Variants in OGDH observed in about 807,000 individuals in gnomAD.
The protein encoded by OGDH is oxoglutarate dehydrogenase.
A neutral mutation model predicts 116.6 loss-of-function variants in OGDH; 38 were observed. That is an observed-to-expected ratio of 0.33 (90% CI 0.25 to 0.43). The LOEUF (loss-of-function observed/expected upper bound fraction) is 0.43, where lower values mean the gene tolerates loss of function less well. Ranked by LOEUF, OGDH falls within the 20% of genes least tolerant of loss-of-function variation. The pLI is 1.00. For missense variants in OGDH, 825 were observed against 1,357.2 expected (o/e 0.61, Z 6.16); for synonymous variants, 488 against 533.3 (o/e 0.92, Z 1.17).
In OGDH at chr7:44,696,802, C is replaced by T. The variant is rs1169029180; in HGVS notation, c.1901-112C>T. ...CACAGCTTTTCCAGCAAGTCAGGAA[C>T]CCAGAAACTACGAGTAAAGAAGGCT... is the stretch of plus-strand genomic sequence containing the variant. On this transcript the variant is annotated intron_variant, in intron 14 of 22. Transcript: ENST00000222673. 6 of 1,370,668 alleles carry T rather than the reference C, an allele frequency of 4.4e-6. No individual in the cohort carries two copies. The South Asian group carries it at 7.4e-5, about 17-fold the overall frequency. 84.9% of individuals were successfully genotyped at this position (1,370,668 alleles called of 1,614,324 possible). A position where few individuals can be genotyped will look rare whatever the true frequency, so the allele number is the denominator to read the frequency against.
intron 19 of OGDH, among the ~76,000 whole-genome samples, chr7:44,700,979 G>A (rs565390209): frequency 4.6e-5 from 7 of 152,258 alleles, no homozygotes; most frequent in South Asian, 2.1e-4. Flanking sequence ...AGCCGAGATC[G>A]CACCACTGCA....
intron 2 of OGDH, among the ~76,000 whole-genome samples, chr7:44,633,122 G>A (rs1355055002): frequency 1.3e-5 from 2 of 151,430 alleles, no homozygotes; most frequent in South Asian, 2.1e-4. Context: ...GCATGGTGGC[G>A]CACCCCTGTA....
chr7:44,646,428 C>T (rs1422200296), intron 3 of OGDH, among the ~76,000 whole-genome samples: 1 of 152,234 alleles, frequency 6.6e-6, no homozygotes, highest in African/African-American at 2.4e-5. Context: ...GCCCTTCATG[C>T]CATGGCCTGG....
chr7:44,608,337 G>T (rs1428921098), intron 1 of OGDH, among the ~76,000 whole-genome samples: 1 of 152,068 alleles, frequency 6.6e-6, no homozygotes, highest in African/African-American at 2.4e-5. Flanking sequence ...GAGCCAGGGA[G>T]GTCCAAGCTG....
chr7:44,676,126 T>A lies in OGDH; in HGVS notation c.1183T>A (p.Cys395Ser). 6.2e-7 allele frequency: 1 copy of A among 1,614,104 alleles called. No homozygotes were observed. Among genetic ancestry groups the A allele is most frequent in the East Asian group, 2.2e-5 (1 of 44,882 alleles). Residue 395 changes from cysteine to serine, a missense_variant, in exon 9 of 23, where the codon TGT becomes AGT. Around this residue, in one of 7 missense-constraint regions of OGDH, gnomAD observed 146 missense variants for 317.3 expected, o/e 0.46. Transcript: ENST00000222673. The stretch of plus-strand genomic sequence containing the variant: ...CAAGACCAAAGCCGAACAGTTTTAC[T>A]GTGGCGACACTGAAGGGAAAAAGGT... ...MGKTKAEQFYCGDTEGKKVMS... is the reference protein window; with the variant it reads ...MGKTKAEQFYSGDTEGKKVMS...
At chr7:44,610,303 T>G (rs1210242066) in intron 1 of OGDH, among the ~76,000 whole-genome samples, 1 of 151,988 alleles carries the variant, frequency 6.6e-6, no homozygotes, top group Non-Finnish European at 1.5e-5. Context: ...TGGTTTTTTT[T>G]TTGTTTGTTT....
intron 4 of OGDH, among the ~76,000 whole-genome samples, chr7:44,662,128 GC>G (rs1161294166): frequency 2.6e-5 from 4 of 152,108 alleles, no homozygotes; most frequent in Non-Finnish European, 5.9e-5. Context: ...TTATAAGTTT[GC>G]TTCAACCATC....
In OGDH at chr7:44,665,285, TAAA is replaced by T. The variant is rs61608424; in HGVS notation, c.518-1433_518-1431del. Among the ~76,000 whole-genome samples, 37 of 91,960 alleles carry T rather than the reference TAAA, an allele frequency of 4.0e-4. No homozygotes were observed. In the East Asian group the frequency reaches 4.4e-3, roughly 11 times the overall value. The allele number at this position is 91,960 out of a possible 152,430, so 60.3% of individuals were successfully genotyped here. On this transcript the variant is annotated intron_variant, in intron 4 of 22. Transcript: ENST00000222673. Reference sequence around the variant, plus strand: ...CTACTACCATCACCACCCTCCAGGTTAAAAAAAAAAAAAAAAAAAAGCCAGATT... The same window carrying T: ...CTACTACCATCACCACCCTCCAGGTTAAAAAAAAAAAAAAAAAGCCAGATT...
intron 5 of OGDH, 97 bp from the exon 6 acceptor site, chr7:44,673,690 C>T: frequency 8.2e-7 from 1 of 1,224,376 alleles, no homozygotes; most frequent in Non-Finnish European, 1.2e-6. Flanking sequence ...AAGCCTCCTG[C>T]TTATCCCCTC....
At chr7:44,667,203 G>A (rs950342932) in intron 5 of OGDH, among the ~76,000 whole-genome samples, 7 of 151,952 alleles carry the variant, frequency 4.6e-5, no homozygotes, top group Non-Finnish European at 1.0e-4. Flanking sequence ...CTCCTACCTC[G>A]GCCTCTCGAA....
chr7:44,645,654 T>A, intron 3 of OGDH, 136 bp downstream of exon 3: 1 of 823,734 alleles, frequency 1.2e-6, no homozygotes, highest in Non-Finnish European at 1.8e-6. Context: ...GCTTTCTCCC[T>A]GCTTTGGGAG....
chr7:44,695,063 T>C (rs1420575584), intron 12 of OGDH, among the ~76,000 whole-genome samples: 1 of 151,996 alleles, frequency 6.6e-6, no homozygotes, highest in East Asian at 1.9e-4. Flanking sequence ...TAGCCTATGC[T>C]GGAGACAGAG....
chr7:44,668,670 A>G (rs1585324681), intron 5 of OGDH, among the ~76,000 whole-genome samples: 2 of 151,850 alleles, frequency 1.3e-5, no homozygotes, highest in Non-Finnish European at 2.9e-5. Context: ...AGAAGAATGA[A>G]CCTTTGGGTC....
At chr7:44,692,998 T>C (rs1388024503) in intron 10 of OGDH, among the ~76,000 whole-genome samples, 3 of 142,682 alleles carry the variant, frequency 2.1e-5, no homozygotes, top group Non-Finnish European at 4.5e-5. Context: ...AGACCATGAC[T>C]CTCTCTTTAA....
chr7:44,675,987 G>A lies in OGDH; in HGVS notation c.1044G>A (p.Lys348=). Residue 348 remains lysine (K), a synonymous_variant, in exon 9 of 23, where the codon AAG becomes AAA. Coordinates refer to ENST00000222673, the MANE Select transcript of OGDH (RefSeq NM_002541.4). ...CCCATCAGGGCTCCGGAGATGTGAA[G>A]TACCACCTGGGCATGTATCACCGCA... ...EAADEGSGDV[K]YHLGMYHRRI... The A allele has an allele frequency of 1.9e-6, 3 of 1,614,046 alleles. No homozygotes were observed. Among genetic ancestry groups the A allele is most frequent in the Non-Finnish European group, 2.5e-6 (3 of 1,179,972 alleles).
chr7:44,613,771 C>T (rs1784658975), intron 1 of OGDH, among the ~76,000 whole-genome samples: 1 of 149,906 alleles, frequency 6.7e-6, no homozygotes, highest in Non-Finnish European at 1.5e-5. Flanking sequence ...GCTGGGATAA[C>T]AGGTGTGAGC....
At chr7:44,626,894 G>T (rs1785228440) in intron 2 of OGDH, among the ~76,000 whole-genome samples, 1 of 152,186 alleles carries the variant, frequency 6.6e-6, no homozygotes. Flanking sequence ...ATCCAGCACG[G>T]ACTTCATCAC....
At chr7:44,644,368 A>G (rs1351103487) in intron 2 of OGDH, among the ~76,000 whole-genome samples, 1 of 152,250 alleles carries the variant, frequency 6.6e-6, no homozygotes, top group Non-Finnish European at 1.5e-5. Context: ...TTGTAAATCA[A>G]ATAATTCAGA....
At position 44,611,433 on chromosome 7, in the gene OGDH, T is replaced by C. The variant is rs544182761; in HGVS notation, c.-28+4780T>C. 4.1e-3 allele frequency among the ~76,000 whole-genome samples: 616 copies of C among 151,740 alleles called. 3 individuals are homozygous for C. Among genetic ancestry groups the C allele is most frequent in the Non-Finnish European group, 5.4e-3 (368 of 67,926 alleles). ...ACAGGTGCCCGCCACCATGCCCGGCTAATTTTTTTTTTTTGTATTTTTTAG... is the reference window on the plus strand; with the variant it reads ...ACAGGTGCCCGCCACCATGCCCGGCCAATTTTTTTTTTTTGTATTTTTTAG... On this transcript the variant is annotated intron_variant, in intron 1 of 22. Transcript: ENST00000222673.
Sources: gnomAD v4.1 joint callset for allele counts (sites outside exome capture counted in the v4.1 genomes callset) on GRCh38, gnomAD v4.1.1 for gene constraint, gnomAD v4.1.1 regional missense constraint, MANE v1.5 for transcripts, NCBI Gene and HGNC (gene_info 2026-07-23, HGNC 2026-07-21) for gene names.